The following ATP8A1 variants were observed in gnomAD, a reference collection of about 807,000 sequenced individuals.
ATP8A1 encodes phospholipid-transporting ATPase IA.
In ATP8A1, 90 loss-of-function variants were observed where a neutral mutation model predicts 177.7. The ratio of observed to expected loss-of-function variants is 0.51; its 90% CI spans 0.43 to 0.60. The LOEUF (loss-of-function observed/expected upper bound fraction) is 0.60. Among genes scored for constraint, ATP8A1 ranks in the 20% least tolerant of loss-of-function variants. ATP8A1 has a pLI of 0.00. For synonymous variants in ATP8A1, 493 were observed against 485.9 expected (o/e 1.01, Z -0.19); for missense variants, 1,072 against 1,392.8 (o/e 0.77, Z 3.67).
chr4:42,496,159 G>A (rs569241495), intron 24 of ATP8A1, among the ~76,000 whole-genome samples: 43 of 152,318 alleles, frequency 2.8e-4, no homozygotes, highest in African/African-American at 9.9e-4. Context: ...AGGGTACAAT[G>A]CAGAGAGAGG....
intron 16 of ATP8A1, among the ~76,000 whole-genome samples, chr4:42,554,189 G>A (rs1017730910): frequency 6.6e-6 from 1 of 152,184 alleles, no homozygotes. Context: ...GAACCCAGGA[G>A]ACTGGCCAGG....
At chr4:42,510,019 C>T (rs1560405494) in intron 22 of ATP8A1, among the ~76,000 whole-genome samples, 1 of 152,110 alleles carries the variant, frequency 6.6e-6, no homozygotes, top group Non-Finnish European at 1.5e-5. Flanking sequence ...TTAGGGACCA[C>T]GTCTTGCTCA....
chr4:42,519,680 G>A (rs1177806910), intron 22 of ATP8A1, among the ~76,000 whole-genome samples: 2 of 152,192 alleles, frequency 1.3e-5, no homozygotes, highest in Non-Finnish European at 2.9e-5. Context: ...AGTTTCAGGA[G>A]TAGAGATGGA....
chr4:42,651,163 A>T (rs755964019), intron 1 of ATP8A1, among the ~76,000 whole-genome samples: 8 of 150,554 alleles, frequency 5.3e-5, no homozygotes, highest in Non-Finnish European at 1.0e-4. Flanking sequence ...TTCTGCCATG[A>T]TTGTGAGACC....
At chr4:42,546,874 T>A (rs528625611) in intron 19 of ATP8A1, among the ~76,000 whole-genome samples, 2 of 152,316 alleles carry the variant, frequency 1.3e-5, no homozygotes, top group East Asian at 3.9e-4. Flanking sequence ...GTCCTCTACA[T>A]CTTTAACAAC....
intron 20 of ATP8A1, among the ~76,000 whole-genome samples, chr4:42,531,006 T>G (rs1169861418): frequency 1.3e-5 from 2 of 152,140 alleles, no homozygotes; most frequent in Admixed American, 1.3e-4. Flanking sequence ...AACTGGAAGT[T>G]AAGATTGCCA....
intron 25 of ATP8A1, among the ~76,000 whole-genome samples, chr4:42,482,491 T>A (rs551652493): frequency 6.6e-6 from 1 of 152,308 alleles, no homozygotes; most frequent in Admixed American, 6.5e-5. Flanking sequence ...GAGCCCTGAA[T>A]AAATTTGGGG....
Position 42,552,539 on chromosome 4 carries a change from T to C in ATP8A1, c.1485A>G (p.Glu495=). The change falls in exon 17 of 37, where the codon GAA becomes GAG. Residue 495 remains glutamate, a synonymous_variant. Transcript: ENST00000381668. ...AVCHTAVPER[E]GDKIIYQAAS... Reference sequence around the variant, plus strand: ...CTGCTTGATAAATAATCTTGTCACCTTCTCGCTCTGGCACTGCTGTGTGAC... The same window carrying C: ...CTGCTTGATAAATAATCTTGTCACCCTCTCGCTCTGGCACTGCTGTGTGAC... 2 of 1,613,270 alleles carry C rather than the reference T, an allele frequency of 1.2e-6. No individual in the cohort carries two copies. Among genetic ancestry groups the C allele is most frequent in the Non-Finnish European group, 8.5e-7 (1 of 1,179,680 alleles).
At chr4:42,574,531 C>G in intron 14 of ATP8A1, 88 bp downstream of exon 14, 1 of 1,039,046 alleles carries the variant, frequency 9.6e-7, no homozygotes, top group South Asian at 1.5e-5. Context: ...AACCCCATAC[C>G]CTCCCCTAAT....
At chr4:42,656,592 A>G (rs1264603959) in intron 1 of ATP8A1, among the ~76,000 whole-genome samples, 2 of 152,130 alleles carry the variant, frequency 1.3e-5, no homozygotes, top group Non-Finnish European at 2.9e-5. Flanking sequence ...GGTGCAAAGC[A>G]CGCCTCGGGG....
chr4:42,651,760 C>T (rs969592932), intron 1 of ATP8A1, among the ~76,000 whole-genome samples: 4 of 152,218 alleles, frequency 2.6e-5, no homozygotes, highest in African/African-American at 9.6e-5. Context: ...TTATGGAAGA[C>T]AAACTCTCAG....
intron 24 of ATP8A1, among the ~76,000 whole-genome samples, chr4:42,486,900 A>G (rs767909751): frequency 3.0e-4 from 46 of 152,216 alleles, no homozygotes; most frequent in Non-Finnish European, 5.3e-4. Context: ...GGTTTGTGCA[A>G]GTACCCTCTA....
chr4:42,512,619 C>G (rs938027520), intron 22 of ATP8A1, among the ~76,000 whole-genome samples: 2 of 152,226 alleles, frequency 1.3e-5, no homozygotes, highest in Non-Finnish European at 2.9e-5. Context: ...CCTTGCCTTA[C>G]TGGTGTTTCT....
chr4:42,426,947 T>C (rs1477183029), intron 33 of ATP8A1, among the ~76,000 whole-genome samples: 1 of 152,220 alleles, frequency 6.6e-6, no homozygotes, highest in East Asian at 1.9e-4. Flanking sequence ...ACCGGCATAA[T>C]ATATTAATTT....
intron 25 of ATP8A1, among the ~76,000 whole-genome samples, chr4:42,475,510 C>T (rs1183965845): frequency 7.1e-6 from 1 of 141,552 alleles, no homozygotes; most frequent in Non-Finnish European, 1.5e-5. Flanking sequence ...AAAAAAAATT[C>T]AGGACATAGA....
intron 33 of ATP8A1, among the ~76,000 whole-genome samples, chr4:42,436,736 C>T (rs1716044077): frequency 6.6e-6 from 1 of 152,178 alleles, no homozygotes; most frequent in Admixed American, 6.5e-5. Flanking sequence ...GAAACTCCAT[C>T]ATATCATAAC....
chr4:42,628,387 C>T (rs563554709), intron 1 of ATP8A1, among the ~76,000 whole-genome samples: 4 of 152,248 alleles, frequency 2.6e-5, no homozygotes, highest in Middle Eastern at 3.4e-3. Flanking sequence ...GGAGAGCAAA[C>T]AGGGCAGTGC....
Position 42,524,745 on chromosome 4 carries a change from T to C in ATP8A1, c.1807+18A>G, listed in dbSNP as rs148367577. 1,677 of 1,535,828 alleles carry C rather than the reference T, an allele frequency of 1.1e-3. 17 individuals carry two copies. In the African/African-American group the frequency reaches 0.019, roughly 17 times the overall value. The stretch of plus-strand genomic sequence containing the variant: ...TTCTTTGTATTTTAATCATGCTTTA[T>C]TGCCAAATTACACTTACCTTCTGTA... On this transcript the variant is annotated intron_variant, in intron 21 of 36. Transcript: ENST00000381668.
chr4:42,540,409 C>A (rs1233773823), intron 20 of ATP8A1, among the ~76,000 whole-genome samples: 1 of 151,842 alleles, frequency 6.6e-6, no homozygotes. Context: ...TTCAATCCAG[C>A]AATCCCACTA....
Sources: allele counts gnomAD v4.1 joint callset (sites outside exome capture counted in the v4.1 genomes callset), GRCh38; gene constraint gnomAD v4.1.1; transcripts MANE v1.5; gene names NCBI Gene and HGNC (gene_info 2026-07-23, HGNC 2026-07-21).